Variants in ASTN2 observed in about 807,000 individuals in gnomAD.
The protein encoded by ASTN2 is astrotactin 2, also known as astrotactin-2.
A neutral mutation model predicts 139.8 loss-of-function variants in ASTN2; 54 were observed. The observed-to-expected ratio is 0.39, with a 90% CI of 0.31 to 0.48. The LOEUF (loss-of-function observed/expected upper bound fraction) is 0.48, where lower values mean the gene tolerates loss of function less well. Among genes scored for constraint, ASTN2 ranks in the 20% least tolerant of loss-of-function variants. ASTN2 has a pLI of 0.95. For missense variants in ASTN2, 1,565 were observed against 1,725.1 expected (o/e 0.91, Z 1.64); for synonymous variants, 756 against 719.5 (o/e 1.05, Z -0.81).
intron 16 of ASTN2, among the ~76,000 whole-genome samples, chr9:116,665,409 A>C (rs893579911): frequency 4.6e-5 from 7 of 152,206 alleles, no homozygotes; most frequent in African/African-American, 1.4e-4. Flanking sequence ...ATGTAAACTG[A>C]AATTTCAGTT....
intron 10 of ASTN2, among the ~76,000 whole-genome samples, chr9:116,923,777 C>T (rs1268913670): frequency 6.6e-6 from 1 of 152,188 alleles, no homozygotes. Context: ...GAGATTTAAT[C>T]TAACTTCTGA....
At chr9:117,380,054 A>G (rs1830225724) in intron 1 of ASTN2, among the ~76,000 whole-genome samples, 1 of 152,172 alleles carries the variant, frequency 6.6e-6, no homozygotes, top group Non-Finnish European at 1.5e-5. Flanking sequence ...AACGAGAAAC[A>G]ACAGGATGTG....
At chr9:116,571,354 G>A (rs1259983531) in intron 19 of ASTN2, among the ~76,000 whole-genome samples, 1 of 152,070 alleles carries the variant, frequency 6.6e-6, no homozygotes, top group East Asian at 1.9e-4. Flanking sequence ...TCCTTCCCTG[G>A]GTCTTCTCAC....
At chr9:116,554,204 C>T (rs1229126275) in intron 19 of ASTN2, among the ~76,000 whole-genome samples, 2 of 151,766 alleles carry the variant, frequency 1.3e-5, no homozygotes, top group African/African-American at 2.4e-5. Context: ...GTAATGATAC[C>T]ACAGAGACAC....
chr9:117,217,840 T>C (rs146428869), intron 2 of ASTN2, among the ~76,000 whole-genome samples: 41 of 152,382 alleles, frequency 2.7e-4, no homozygotes, highest in African/African-American at 9.1e-4. Context: ...CTTGAGTTTC[T>C]GGCCCTATAT....
At chr9:117,075,998 C>G (rs139904206) in intron 5 of ASTN2, among the ~76,000 whole-genome samples, 104 of 152,300 alleles carry the variant, frequency 6.8e-4, no homozygotes, top group Admixed American at 1.0e-3. Flanking sequence ...TTTCAGATCA[C>G]AAGAATCATA....
chr9:116,799,088 A>G (rs1156800956), intron 13 of ASTN2, among the ~76,000 whole-genome samples: 2 of 112,228 alleles, frequency 1.8e-5, no homozygotes, highest in Non-Finnish European at 1.8e-5. Flanking sequence ...GGGCGGGGGG[A>G]GGGAAAGAGG....
chr9:117,401,130 A>G (rs559475108), intron 1 of ASTN2, among the ~76,000 whole-genome samples: 1 of 152,188 alleles, frequency 6.6e-6, no homozygotes, highest in Non-Finnish European at 1.5e-5. Flanking sequence ...CTAATAAAAA[A>G]CAGAACAACC....
intron 2 of ASTN2, among the ~76,000 whole-genome samples, chr9:117,238,544 C>T (rs919825548): frequency 4.6e-5 from 7 of 152,206 alleles, no homozygotes; most frequent in African/African-American, 1.7e-4. Flanking sequence ...CTGGCCCAGG[C>T]TATGGGTGAA....
intron 13 of ASTN2, among the ~76,000 whole-genome samples, chr9:116,774,487 C>T (rs1830031559): frequency 6.6e-6 from 1 of 152,064 alleles, no homozygotes; most frequent in African/African-American, 2.4e-5. Context: ...TTCTGTGGTG[C>T]TAGGTACAAT....
In ASTN2 at chr9:116,956,253, G is replaced by A. The variant is rs150358572; in HGVS notation, c.1889+18955C>T. 4.4e-3 allele frequency among the ~76,000 whole-genome samples: 661 copies of A among 150,034 alleles called. 11 individuals carry two copies. The South Asian group carries it at 0.065, about 15-fold the overall frequency. On this transcript the variant is annotated intron_variant, in intron 10 of 22. Transcript: ENST00000313400. The stretch of plus-strand genomic sequence containing the variant: ...TGGGATTACAGGCATGTGCCACCAC[G>A]TCTGGCTAATTTTGTATTTTTTTTT...
intron 3 of ASTN2, among the ~76,000 whole-genome samples, chr9:117,152,232 G>A (rs544618738): frequency 1.6e-4 from 25 of 152,152 alleles, no homozygotes; most frequent in African/African-American, 5.8e-4. Context: ...ATTGTTATCC[G>A]GCTTAACCTA....
At chr9:116,445,793 T>C (rs1456909297) in intron 20 of ASTN2, among the ~76,000 whole-genome samples, 3 of 152,222 alleles carry the variant, frequency 2.0e-5, no homozygotes, top group African/African-American at 4.8e-5. Flanking sequence ...ATGATAATAA[T>C]AGGCCCAGTT....
rs1799068529 is a variant in ASTN2, at chr9:116,804,115, A to G, written c.2396+1517T>C. On this transcript the variant is annotated intron_variant, in intron 13 of 22. Transcript: ENST00000313400. The stretch of plus-strand genomic sequence containing the variant: ...ATAACCAGCATGGTATATGAGAAAG[A>G]GGAGATTCTCAAAGAGTATATGATG... Among the ~76,000 whole-genome samples the G allele has an allele frequency of 2.0e-5, 3 of 152,160 alleles. No individual in the cohort carries two copies. The South Asian group carries it at 6.2e-4, about 32-fold the overall frequency.
At chr9:116,633,960 A>G (rs1232176306) in intron 17 of ASTN2, among the ~76,000 whole-genome samples, 1 of 152,192 alleles carries the variant, frequency 6.6e-6, no homozygotes, top group African/African-American at 2.4e-5. Context: ...AAAAGTCTAG[A>G]TCATTTAACC....
intron 5 of ASTN2, among the ~76,000 whole-genome samples, chr9:117,050,123 C>T (rs1587904303): frequency 1.3e-5 from 2 of 152,020 alleles, no homozygotes; most frequent in Admixed American, 1.3e-4. Flanking sequence ...AGATGCACCA[C>T]CACATTCAGC....
At chr9:116,589,538 C>T (rs1413736920) in intron 19 of ASTN2, among the ~76,000 whole-genome samples, 1 of 152,132 alleles carries the variant, frequency 6.6e-6, no homozygotes, top group African/African-American at 2.4e-5. Flanking sequence ...GTAATTCCTG[C>T]CACTGCCACA....
intron 16 of ASTN2, among the ~76,000 whole-genome samples, chr9:116,670,982 AAAGG>A (rs1859161863): frequency 6.6e-6 from 1 of 152,102 alleles, no homozygotes; most frequent in South Asian, 2.1e-4. Context: ...AATAAACTAG[AAAGG>A]AAAAAAAATG....
chr9:117,162,056 T>C (rs367754338), intron 3 of ASTN2, among the ~76,000 whole-genome samples: 1 of 152,084 alleles, frequency 6.6e-6, no homozygotes. Flanking sequence ...GCTCAGACCT[T>C]GAAGTGACAC....
Sources: gnomAD v4.1 joint callset for allele counts (sites outside exome capture counted in the v4.1 genomes callset) on GRCh38, gnomAD v4.1.1 for gene constraint, MANE v1.5 for transcripts, NCBI Gene and HGNC (gene_info 2026-07-23, HGNC 2026-07-21) for gene names.